DNAJC1: variants seen among roughly 807,000 people sequenced by gnomAD.
DNAJC1 encodes the protein DnaJ heat shock protein family (Hsp40) member C1.
In DNAJC1, 58 loss-of-function variants were observed where a neutral mutation model predicts 76.6. That is an observed-to-expected ratio of 0.76 (90% CI 0.61 to 0.94). The LOEUF (loss-of-function observed/expected upper bound fraction) is 0.94, where lower values mean the gene tolerates loss of function less well. Among genes scored for constraint, DNAJC1 ranks in the 40% least tolerant of loss-of-function variants. The pLI, the probability that DNAJC1 is intolerant of heterozygous loss-of-function variation, is 0.00. For missense variants in DNAJC1, 689 were observed against 677.3 expected (o/e 1.02, Z -0.19); for synonymous variants, 258 against 267.9 (o/e 0.96, Z 0.36).
At position 21,827,941 on chromosome 10, in the gene DNAJC1, T is replaced by C. The variant is rs138103580; in HGVS notation, c.979-21842A>G. Among the ~76,000 whole-genome samples the C allele has an allele frequency of 4.6e-3, 700 of 152,334 alleles. 1 individual carries two copies. Among genetic ancestry groups the C allele is most frequent in the African/African-American group, 0.016 (667 of 41,576 alleles). On this transcript the variant is annotated intron_variant, in intron 8 of 11. Coordinates refer to ENST00000376980, the MANE Select transcript of DNAJC1 (RefSeq NM_022365.4). ...TTCTTTGCTTATATGTGTGTTTCTC[T>C]AGTGAATGCATTTAGAGGTGGAATT...
chr10:21,797,828 C>T (rs918988823), intron 9 of DNAJC1, among the ~76,000 whole-genome samples: 2 of 152,184 alleles, frequency 1.3e-5, no homozygotes, highest in Admixed American at 6.5e-5. Context: ...GACTTCTCAG[C>T]CTCCAGAATT....
intron 1 of DNAJC1, among the ~76,000 whole-genome samples, chr10:21,960,105 A>C (rs1206353613): frequency 6.6e-6 from 1 of 152,196 alleles, no homozygotes; most frequent in African/African-American, 2.4e-5. Flanking sequence ...ACCTTCTCTT[A>C]ACAGTCTATT....
chr10:22,003,328 A>C lies in DNAJC1; in HGVS notation c.107T>G (p.Leu36Arg). Reference sequence around the variant, plus strand: ...CGGCGCCACGGCGGCCAGCAGCAGCAGCAGCAGCCACAGCAGCGGCGTCCG... The same window carrying C: ...CGGCGCCACGGCGGCCAGCAGCAGCCGCAGCAGCCACAGCAGCGGCGTCCG... ...PPRTPLLWLL[L>R]LLLAAVAPAR... The change falls in exon 1 of 12, where the codon CTG becomes CGG. Residue 36 changes from leucine (L) to arginine (R), a missense_variant. Leu to Arg is a moderately radical substitution (Grantham distance 102). Coordinates refer to ENST00000376980, the MANE Select transcript of DNAJC1 (RefSeq NM_022365.4). 1.3e-6 allele frequency: 2 copies of C among 1,516,762 alleles called. No individual in the cohort carries two copies. The highest frequency in any genetic ancestry group is 2.7e-5 in the East Asian group (1 of 36,432). The allele number at this position is 1,516,762 out of a possible 1,614,324, so 94.0% of individuals were successfully genotyped here. A position where few individuals can be genotyped will look rare whatever the true frequency, so the allele number is the denominator to read the frequency against.
intron 8 of DNAJC1, among the ~76,000 whole-genome samples, chr10:21,837,635 C>T (rs1835486862): frequency 6.6e-6 from 1 of 151,732 alleles, no homozygotes; most frequent in East Asian, 2.0e-4. Flanking sequence ...CTCCGCCCGG[C>T]AGCCACCCTG....
intron 8 of DNAJC1, among the ~76,000 whole-genome samples, chr10:21,834,897 G>T (rs1835424316): frequency 6.6e-6 from 1 of 152,186 alleles, no homozygotes; most frequent in African/African-American, 2.4e-5. Context: ...TCCACCTCTG[G>T]GGACAGGGCA....
At chr10:21,916,898 ACTAAT>A (rs1836477231) in intron 6 of DNAJC1, among the ~76,000 whole-genome samples, 1 of 152,172 alleles carries the variant, frequency 6.6e-6, no homozygotes, top group Non-Finnish European at 1.5e-5. Flanking sequence ...CACTAGAAAC[ACTAAT>A]CTAAGGTCCC....
At position 21,928,369 on chromosome 10, in the gene DNAJC1, T is replaced by C; in HGVS notation, c.371+137A>G. The C allele has an allele frequency of 4.0e-6, 3 of 744,616 alleles. No individual in the cohort carries two copies. The South Asian group carries it at 6.1e-5, about 15-fold the overall frequency. 46.1% of individuals were successfully genotyped at this position (744,616 alleles called of 1,614,324 possible). On this transcript the variant is annotated intron_variant, in intron 3 of 11. Coordinates refer to ENST00000376980, the MANE Select transcript of DNAJC1 (RefSeq NM_022365.4). ...TTAACTCTGCTTCAAACACACATTT[T>C]TAAAACACTGCATTTCTCGGAAGGA...
chr10:21,849,723 T>C (rs1360285786), intron 8 of DNAJC1, among the ~76,000 whole-genome samples: 2 of 152,074 alleles, frequency 1.3e-5, no homozygotes, highest in Non-Finnish European at 1.5e-5. Flanking sequence ...CAAAAAAATA[T>C]TAGCAACCCA....
At chr10:21,815,699 C>T (rs1835063548) in intron 8 of DNAJC1, among the ~76,000 whole-genome samples, 2 of 151,688 alleles carry the variant, frequency 1.3e-5, no homozygotes, top group Admixed American at 1.3e-4. Context: ...ATTAGAGTAT[C>T]CTAAGAAATC....
At chr10:21,837,418 G>A (rs1336615470) in intron 8 of DNAJC1, among the ~76,000 whole-genome samples, 3 of 151,584 alleles carry the variant, frequency 2.0e-5, no homozygotes, top group African/African-American at 7.3e-5. Flanking sequence ...CCCAGTCTGG[G>A]AAGTGAAGAG....
chr10:21,778,210 T>C (rs1834478365), intron 9 of DNAJC1, among the ~76,000 whole-genome samples: 1 of 151,792 alleles, frequency 6.6e-6, no homozygotes, highest in Admixed American at 6.6e-5. Context: ...GAAAAAAAAA[T>C]GCTGATATTA....
chr10:21,942,802 T>A (rs1453772645), intron 1 of DNAJC1, among the ~76,000 whole-genome samples: 1 of 117,348 alleles, frequency 8.5e-6, no homozygotes. Context: ...CGAGACTCCA[T>A]CTCAAAAAAA....
intron 1 of DNAJC1, among the ~76,000 whole-genome samples, chr10:21,965,422 T>C (rs1174940436): frequency 6.6e-6 from 1 of 152,182 alleles, no homozygotes; most frequent in South Asian, 2.1e-4. Flanking sequence ...GATGCAATAC[T>C]ACTGTCAGAG....
intron 8 of DNAJC1, among the ~76,000 whole-genome samples, chr10:21,836,550 A>C (rs987965204): frequency 6.6e-6 from 1 of 152,206 alleles, no homozygotes; most frequent in Admixed American, 6.5e-5. Context: ...ATAAAGAGTC[A>C]AGACCCATCA....
At chr10:21,783,642 C>T (rs1207299302) in intron 9 of DNAJC1, among the ~76,000 whole-genome samples, 2 of 152,210 alleles carry the variant, frequency 1.3e-5, no homozygotes, top group Non-Finnish European at 2.9e-5. Flanking sequence ...CACTACCTGA[C>T]TTCAAACTAT....
At chr10:21,809,279 T>C (rs1041491579) in intron 8 of DNAJC1, among the ~76,000 whole-genome samples, 28 of 152,048 alleles carry the variant, frequency 1.8e-4, no homozygotes, top group Non-Finnish European at 4.0e-4. Context: ...TACTTGTTTA[T>C]TGTATTTTTA....
Position 21,910,835 on chromosome 10 carries a change from AGGAGAGGAG to A in DNAJC1, c.730-6232_730-6224del, listed in dbSNP as rs1564824874. On this transcript the variant is annotated intron_variant, in intron 6 of 11. Coordinates refer to ENST00000376980, the MANE Select transcript of DNAJC1 (RefSeq NM_022365.4). ...AAAAGAAAGGAAAGAAAGGAAGGAG[AGGAGAGGAG>A]AGGAGAGGAGAGGAGAGGAGAGGAG... 1.2e-3 allele frequency among the ~76,000 whole-genome samples: 63 copies of A among 51,404 alleles called. 3 individuals carry two copies. Among genetic ancestry groups the A allele is most frequent in the South Asian group, 7.6e-3 (8 of 1,054 alleles). The allele number at this position is 51,404 out of a possible 152,430, so 33.7% of individuals were successfully genotyped here.
chr10:21,855,276 G>C (rs1835816411), intron 8 of DNAJC1, among the ~76,000 whole-genome samples: 1 of 152,128 alleles, frequency 6.6e-6, no homozygotes, highest in Admixed American at 6.5e-5. Flanking sequence ...ACTCTGAAGT[G>C]TATTTTTAAT....
At chr10:21,765,235 T>TA (rs1470960136) in intron 10 of DNAJC1, among the ~76,000 whole-genome samples, 1 of 152,142 alleles carries the variant, frequency 6.6e-6, no homozygotes, top group Non-Finnish European at 1.5e-5. Flanking sequence ...AATTTTTTTT[T>TA]ACGTTTATTT....
Sources: allele counts gnomAD v4.1 joint callset (sites outside exome capture counted in the v4.1 genomes callset), GRCh38; gene constraint gnomAD v4.1.1; transcripts MANE v1.5; gene names NCBI Gene and HGNC (gene_info 2026-07-23, HGNC 2026-07-21).